The following PLK4 variants were observed in gnomAD, a reference collection of about 807,000 sequenced individuals.
PLK4 encodes polo like kinase 4, also known as serine/threonine-protein kinase PLK4.
In PLK4, 51 loss-of-function variants were observed where a neutral mutation model predicts 103.0. That is an observed-to-expected ratio of 0.50 (90% CI 0.40 to 0.63). The LOEUF (loss-of-function observed/expected upper bound fraction) is 0.63, where lower values mean the gene tolerates loss of function less well. Among genes scored for constraint, PLK4 ranks in the 20% least tolerant of loss-of-function variants. The pLI is 0.00. For missense variants in PLK4, 1,054 were observed against 1,151.0 expected, an observed-to-expected ratio of 0.92 and a Z score of 1.22; for synonymous variants, 389 against 376.8, an observed-to-expected ratio of 1.03 and a Z score of -0.38.
chr4:127,892,809 A>C (rs1355019028), intron 10 of PLK4: 1 of 225,720 alleles, frequency 4.4e-6, no homozygotes, highest in Non-Finnish European at 8.6e-6. Context: ...GCAATGTCCT[A>C]TTTCTTATTA....
chr4:127,896,318 T>G (rs930983109), intron 14 of PLK4, among the ~76,000 whole-genome samples: 1 of 152,168 alleles, frequency 6.6e-6, no homozygotes. Context: ...AGTGACACAT[T>G]GTGACTATTA....
chr4:127,890,196 A>C lies in PLK4; in HGVS notation c.1790A>C (p.His597Pro), dbSNP rs777266407. ...AGCATTACATCTCCGTTGGTTGCTC[A>C]CAGGTTAAAACCAATCAGACAGAAA... is the stretch of plus-strand genomic sequence containing the variant. Reference protein sequence around the residue: ...LRSITSPLVAHRLKPIRQKTK... With the variant: ...LRSITSPLVAPRLKPIRQKTK... Residue 597 changes from histidine (H) to proline (P), a missense_variant, in exon 7 of 16, where the codon CAC becomes CCC. His to Pro is a moderately conservative substitution (Grantham distance 77). Coordinates refer to ENST00000270861, the MANE Select transcript of PLK4 (RefSeq NM_014264.5). 7 of 1,610,886 alleles carry C rather than the reference A, an allele frequency of 4.3e-6. No homozygotes were observed. In the Admixed American group the frequency reaches 1.2e-4, roughly 27 times the overall value.
chr4:127,895,946 G>A (rs1480810498), intron 14 of PLK4, among the ~76,000 whole-genome samples: 1 of 152,118 alleles, frequency 6.6e-6, no homozygotes, highest in East Asian at 1.9e-4. Flanking sequence ...AGAATTTTAT[G>A]TAGTTGTGAA....
rs1296113101 is a variant in PLK4, at chr4:127,880,964, C to T, written c.-171C>T. 4.6e-5 allele frequency: 31 copies of T among 678,742 alleles called. No homozygotes were observed. The East Asian group carries it at 7.4e-4, about 16-fold the overall frequency. The allele number at this position is 678,742 out of a possible 1,614,324, so 42.0% of individuals were successfully genotyped here. A position where few individuals can be genotyped will look rare whatever the true frequency, so the allele number is the denominator to read the frequency against. On this transcript the variant is annotated 5_prime_UTR_variant, in exon 1 of 16. Coordinates refer to ENST00000270861, the MANE Select transcript of PLK4 (RefSeq NM_014264.5). ...GGGAGCCCAGAGGCACCGCCCAGGC[C>T]TCGGAAGGTGTCAGGGAGAACTTTC...
At chr4:127,883,383 A>AC in intron 3 of PLK4, 26 bp downstream of exon 3, 1 of 1,433,800 alleles carries the variant, frequency 7.0e-7, no homozygotes, top group Non-Finnish European at 9.8e-7. Context: ...TGTAGAAGTG[A>AC]CCAAGGACAC....
chr4:127,884,163 G>A (rs1435555597), intron 4 of PLK4, among the ~76,000 whole-genome samples: 1 of 152,096 alleles, frequency 6.6e-6, no homozygotes, highest in Non-Finnish European at 1.5e-5. Context: ...CAAATATATA[G>A]CTTCAGACTT....
intron 14 of PLK4, 150 bp from the exon 15 acceptor site, chr4:127,896,651 G>GT (rs748081590): frequency 0.016 from 6,624 of 412,486 alleles, no homozygotes; most frequent in South Asian, 0.024. Flanking sequence ...CACTTAGAGA[G>GT]TTTTTTTTTT....
In PLK4 at chr4:127,881,945, A is replaced by T. The variant is rs769680443; in HGVS notation, c.126+19A>T. 2 of 1,316,196 alleles carry T rather than the reference A, an allele frequency of 1.5e-6. No individual in the cohort carries two copies. The highest frequency in any genetic ancestry group is 1.7e-5 in the Admixed American group (1 of 59,568). 81.5% of individuals were successfully genotyped at this position (1,316,196 alleles called of 1,614,324 possible). On this transcript the variant is annotated intron_variant, in intron 2 of 15. Transcript: ENST00000270861. The stretch of plus-strand genomic sequence containing the variant: ...CAAAATGGTAAGAATAAACTAATCA[A>T]CTTCTCTCCTGTACTTTGCAAGTAA...
intron 6 of PLK4, 102 bp downstream of exon 6, chr4:127,887,598 C>A: frequency 4.1e-6 from 3 of 738,416 alleles, no homozygotes; most frequent in Non-Finnish European, 4.7e-6. Context: ...CATTTTCTTG[C>A]TTGGTGCAGT....
chr4:127,884,364 T>G lies in PLK4; in HGVS notation c.337+811T>G, dbSNP rs1578752256. Among the ~76,000 whole-genome samples, 3 of 152,246 alleles carry G rather than the reference T, an allele frequency of 2.0e-5. No individual in the cohort carries two copies. In the South Asian group the frequency reaches 6.2e-4, roughly 31 times the overall value. Reference sequence around the variant, plus strand: ...CCATTTGGAAAACAATTCGGACATATGTATTTAGAGTTACGGAAATATTTA... The same window carrying G: ...CCATTTGGAAAACAATTCGGACATAGGTATTTAGAGTTACGGAAATATTTA... On this transcript the variant is annotated intron_variant, in intron 4 of 15. Transcript: ENST00000270861.
Position 127,883,570 on chromosome 4 carries a change from T to C in PLK4, c.337+17T>C. On this transcript the variant is annotated intron_variant, in intron 4 of 15. Coordinates refer to ENST00000270861, the MANE Select transcript of PLK4 (RefSeq NM_014264.5). ...AAAATGAAGGTAGGTGTGTGGTTTT[T>C]TTTGTTTGTTTTGTTTGGGTGGATA... The C allele has an allele frequency of 9.4e-7, 1 of 1,060,728 alleles. No homozygotes were observed. The highest frequency in any genetic ancestry group is 1.4e-5 in the South Asian group (1 of 73,138). The allele number at this position is 1,060,728 out of a possible 1,614,324, so 65.7% of individuals were successfully genotyped here. A position where few individuals can be genotyped will look rare whatever the true frequency, so the allele number is the denominator to read the frequency against.
At chr4:127,881,798 C>A in intron 1 of PLK4, 33 bp from the exon 2 acceptor site, 2 of 1,202,800 alleles carry the variant, frequency 1.7e-6, no homozygotes, top group South Asian at 2.4e-5. Context: ...TACTGTGAGT[C>A]ATCACACATA....
In PLK4 at chr4:127,890,184, C is replaced by T. The variant is rs758788742; in HGVS notation, c.1778C>T (p.Pro593Leu). Reference sequence around the variant, plus strand: ...CGTACATTAAGAAGCATTACATCTCCGTTGGTTGCTCACAGGTTAAAACCA... The same window carrying T: ...CGTACATTAAGAAGCATTACATCTCTGTTGGTTGCTCACAGGTTAAAACCA... Reference protein sequence around the residue: ...QNRTLRSITSPLVAHRLKPIR... With the variant: ...QNRTLRSITSLLVAHRLKPIR... Residue 593 changes from proline to leucine, a missense_variant, in exon 7 of 16, where the codon CCG becomes CTG. Pro to Leu is a moderately conservative substitution (Grantham distance 98). Around this residue, in one of 4 missense-constraint regions of PLK4, gnomAD observed 680 missense variants for 660.3 expected, o/e 1.03. Transcript: ENST00000270861. 35 of 1,613,156 alleles carry T rather than the reference C, an allele frequency of 2.2e-5. No individual in the cohort carries two copies. The highest frequency in any genetic ancestry group is 8.9e-5 in the East Asian group (4 of 44,876).
chr4:127,894,706 A>T lies in PLK4; in HGVS notation c.2563-247A>T, dbSNP rs562005608. 3.6e-4 allele frequency among the ~76,000 whole-genome samples: 55 copies of T among 152,202 alleles called. 1 individual carries two copies. The highest frequency in any genetic ancestry group is 6.2e-4 in the Non-Finnish European group (42 of 68,040). On this transcript the variant is annotated intron_variant, in intron 13 of 15. Coordinates refer to ENST00000270861, the MANE Select transcript of PLK4 (RefSeq NM_014264.5). ...TGTGTGTACTCACCCACATACACAA[A>T]AAGAACATGCCATGGGATAAAAAGA...
chr4:127,882,949 T>C (rs1048494647), intron 2 of PLK4, among the ~76,000 whole-genome samples: 2 of 151,460 alleles, frequency 1.3e-5, no homozygotes, highest in African/African-American at 4.8e-5. Context: ...CTAAACCACT[T>C]AGAAAAAGAA....
chr4:127,887,395 G>C lies in PLK4; in HGVS notation c.1359-1G>C. On this transcript the variant is annotated splice_acceptor_variant, in intron 5 of 15. Transcript: ENST00000270861. LOFTEE classifies it high-confidence loss of function. ...TGGGATTTTTTTGTTTGTTTGTTTAGCTCCAATCATCTTTGTCCAGGAAAA... is the reference window on the plus strand; with the variant it reads ...TGGGATTTTTTTGTTTGTTTGTTTACCTCCAATCATCTTTGTCCAGGAAAA... 6.3e-7 allele frequency: 1 copy of C among 1,585,664 alleles called. No homozygotes were observed. The highest frequency in any genetic ancestry group is 8.6e-7 in the Non-Finnish European group (1 of 1,156,794).
At chr4:127,881,770 CCTTCCCAT>C (rs1339494815) in intron 1 of PLK4, 53 bp from the exon 2 acceptor site, 11 of 999,024 alleles carry the variant, frequency 1.1e-5, no homozygotes, top group Non-Finnish European at 1.6e-5. Context: ...TTTTCCAGCC[CCTTCCCAT>C]CTTCCTTTCT....
Position 127,890,206 on chromosome 4 carries a change from A to G in PLK4, c.1800A>G (p.Lys600=). ...CTCCGTTGGTTGCTCACAGGTTAAA[A>G]CCAATCAGACAGAAAACCAAAAAGG... ...ITSPLVAHRL[K]PIRQKTKKAV... The change falls in exon 7 of 16, where the codon AAA becomes AAG. Residue 600 remains lysine, a synonymous_variant. Transcript: ENST00000270861. The G allele has an allele frequency of 6.2e-7, 1 of 1,604,738 alleles. No individual in the cohort carries two copies. Among genetic ancestry groups the G allele is most frequent in the Non-Finnish European group, 8.5e-7 (1 of 1,175,230 alleles).
At chr4:127,884,220 G>T (rs1735033835) in intron 4 of PLK4, among the ~76,000 whole-genome samples, 1 of 152,090 alleles carries the variant, frequency 6.6e-6, no homozygotes, top group Non-Finnish European at 1.5e-5. Flanking sequence ...AACCAAATAA[G>T]GTCTATACAT....
Sources: allele counts gnomAD v4.1 joint callset (sites outside exome capture counted in the v4.1 genomes callset), GRCh38; gene constraint gnomAD v4.1.1; regional missense constraint gnomAD v4.1.1; transcripts MANE v1.5; gene names NCBI Gene and HGNC (gene_info 2026-07-23, HGNC 2026-07-21).